Variants in CAPS2 observed in about 807,000 individuals in gnomAD.
CAPS2 encodes calcyphosin-2.
A neutral mutation model predicts 86.5 loss-of-function variants in CAPS2; 98 were observed. The observed-to-expected ratio is 1.13, with a 90% CI of 0.96 to 1.34. The LOEUF is 1.34. Ranked by LOEUF, CAPS2 falls within the 40% of genes most tolerant of loss-of-function variation. The pLI, the probability that CAPS2 is intolerant of heterozygous loss-of-function variation, is 0.00. For synonymous variants in CAPS2, 210 were observed against 225.1 expected (o/e 0.93, Z 0.60); for missense variants, 729 against 686.8 (o/e 1.06, Z -0.69).
intron 1 of CAPS2, chr12:75,363,116 A>T: frequency 6.4e-7 from 1 of 1,555,808 alleles, no homozygotes; most frequent in Non-Finnish European, 8.6e-7. Flanking sequence ...AATTTTGCAA[A>T]TATGCCTCCT....
intron 1 of CAPS2, chr12:75,369,670 A>G: frequency 1.0e-6 from 1 of 984,914 alleles, no homozygotes; most frequent in South Asian, 4.7e-5. Flanking sequence ...TGGGAATGAA[A>G]GAGTGGGAAA....
At chr12:75,289,916 A>C in intron 13 of CAPS2, 141 bp from the exon 14 acceptor site, 1 of 645,586 alleles carries the variant, frequency 1.5e-6, no homozygotes, top group Non-Finnish European at 2.6e-6. Context: ...ATGTAAGACA[A>C]AAGACTTTGG....
intron 6 of CAPS2, 157 bp downstream of exon 6, chr12:75,316,151 TTCAA>T (rs2039734481): frequency 2.2e-6 from 2 of 929,470 alleles, no homozygotes; most frequent in Admixed American, 2.9e-5. Flanking sequence ...CCAAATACAA[TTCAA>T]TCATTTATAA....
chr12:75,311,699 G>GAAAAAAA lies in CAPS2; in HGVS notation c.659+1148_659+1149insTTTTTTT, dbSNP rs764314438. The stretch of plus-strand genomic sequence containing the variant: ...CGTGTCACGTGCAGGAAGCCATGCA[G>GAAAAAAA]GAAAAAAAAAAACAAAAAAAAAAAC... On this transcript the variant is annotated intron_variant, in intron 7 of 16. Transcript: ENST00000393284. Among the ~76,000 whole-genome samples the GAAAAAAA allele has an allele frequency of 8.8e-4, 15 of 17,016 alleles. 2 individuals carry two copies. Among genetic ancestry groups the GAAAAAAA allele is most frequent in the African/African-American group, 1.7e-3 (14 of 8,092 alleles). 11.2% of individuals were successfully genotyped at this position (17,016 alleles called of 152,430 possible). A position where few individuals can be genotyped will look rare whatever the true frequency, so the allele number is the denominator to read the frequency against.
chr12:75,390,365 G>A (rs978641763), intron 1 of CAPS2: 12 of 456,212 alleles, frequency 2.6e-5, no homozygotes, highest in Middle Eastern at 6.5e-4. Context: ...TTGATATTCC[G>A]GGCTGTCTGA....
Position 75,369,790 on chromosome 12 carries a change from G to A in CAPS2, c.-395+21048C>T, listed in dbSNP as rs112255840. On this transcript the variant is annotated intron_variant, in intron 1 of 5. Transcript: ENST00000551829. Reference sequence around the variant, plus strand: ...CATAACACTGTTGGTAGGAAGCATCGTAAAGAGTTTTAAGTACTGTAGGAT... The same window carrying A: ...CATAACACTGTTGGTAGGAAGCATCATAAAGAGTTTTAAGTACTGTAGGAT... 6.0e-5 allele frequency: 59 copies of A among 982,974 alleles called. No individual in the cohort carries two copies. The African/African-American group carries it at 9.1e-4, about 15-fold the overall frequency. The allele number at this position is 982,974 out of a possible 1,614,324, so 60.9% of individuals were successfully genotyped here. A position where few individuals can be genotyped will look rare whatever the true frequency, so the allele number is the denominator to read the frequency against.
At chr12:75,381,021 C>CA (rs1314629516) in intron 1 of CAPS2, among the ~76,000 whole-genome samples, 3 of 152,106 alleles carry the variant, frequency 2.0e-5, no homozygotes, top group Admixed American at 2.0e-4. Context: ...TTTTATGGCT[C>CA]AGTCTTTTAG....
At chr12:75,329,547 T>C (rs947296312), upstream of CAPS2, among the ~76,000 whole-genome samples, 1 of 151,998 alleles carries the variant, frequency 6.6e-6, no homozygotes, top group African/African-American at 2.4e-5. Context: ...GTAGTAATAT[T>C]ACTGGCTATT....
intron 14 of CAPS2, 84 bp from the exon 15 acceptor site, chr12:75,285,164 T>G: frequency 1.5e-6 from 2 of 1,331,720 alleles, no homozygotes; most frequent in Non-Finnish European, 2.1e-6. Flanking sequence ...TTGTTACATC[T>G]TCTGTAGTCC....
At chr12:75,290,491 T>C (rs2035646737) in intron 13 of CAPS2, among the ~76,000 whole-genome samples, 1 of 152,114 alleles carries the variant, frequency 6.6e-6, no homozygotes, top group Admixed American at 6.5e-5. Context: ...GTATTGACAA[T>C]GATATAATAA....
At chr12:75,367,073 C>T in intron 1 of CAPS2, 1 of 698,302 alleles carries the variant, frequency 1.4e-6, no homozygotes, top group Non-Finnish European at 2.6e-6. Flanking sequence ...AATGCACAGA[C>T]AAGCCAACTG....
intron 1 of CAPS2, among the ~76,000 whole-genome samples, chr12:75,378,151 C>A (rs565259592): frequency 6.6e-6 from 1 of 152,130 alleles, no homozygotes. Flanking sequence ...GCACGTGCCA[C>A]CACGCCTGGC....
intron 4 of CAPS2, among the ~76,000 whole-genome samples, chr12:75,322,686 C>T (rs1444047880): frequency 1.3e-5 from 2 of 152,136 alleles, no homozygotes. Context: ...TTCCAAGAGA[C>T]CAGTCTTACA....
chr12:75,316,794 T>C (rs920312961), intron 5 of CAPS2, among the ~76,000 whole-genome samples: 16 of 152,150 alleles, frequency 1.1e-4, no homozygotes, highest in Non-Finnish European at 1.9e-4. Context: ...CCAATTTGAA[T>C]CTTTGAAAAA....
chr12:75,364,968 A>ACATAACAGCT (rs1431660441), intron 1 of CAPS2: 1 of 152,194 alleles, frequency 6.6e-6, no homozygotes, highest in Admixed American at 6.6e-5. Context: ...AAAAGGTGCC[A>ACATAACAGCT]CATAACAGCT....
chr12:75,335,986 T>C (rs993400762), intron 1 of CAPS2, among the ~76,000 whole-genome samples: 2 of 151,976 alleles, frequency 1.3e-5, no homozygotes, highest in African/African-American at 4.8e-5. Context: ...TTTGTACTCA[T>C]TGACTATTTA....
intron 11 of CAPS2, among the ~76,000 whole-genome samples, chr12:75,295,549 G>A (rs1411254610): frequency 6.6e-6 from 1 of 152,136 alleles, no homozygotes; most frequent in East Asian, 1.9e-4. Flanking sequence ...GAGTGGTTTA[G>A]GCCCTTGTAC....
chr12:75,306,933 C>CA (rs200805847), intron 7 of CAPS2, among the ~76,000 whole-genome samples: 18 of 148,818 alleles, frequency 1.2e-4, no homozygotes, highest in Admixed American at 2.7e-4. Flanking sequence ...TGATATAATC[C>CA]AAAAAAAAAA....
In CAPS2 at chr12:75,362,873, A is replaced by C. The variant is rs1052104105; in HGVS notation, c.-395+27965T>G. Among the ~76,000 whole-genome samples, 12 of 152,318 alleles carry C rather than the reference A, an allele frequency of 7.9e-5. No homozygotes were observed. The South Asian group carries it at 1.4e-3, about 18-fold the overall frequency. ...AATTACACTGGGTTCACATCTCATT[A>C]TTCTTCTATAGAATATTCAAGAATA... On this transcript the variant is annotated intron_variant, in intron 1 of 5. Coordinates refer to the CAPS2 transcript ENST00000551829.
Sources: gnomAD v4.1 joint callset for allele counts (sites outside exome capture counted in the v4.1 genomes callset) on GRCh38, gnomAD v4.1.1 for gene constraint, MANE v1.5 for transcripts, NCBI Gene and HGNC (gene_info 2026-07-23, HGNC 2026-07-21) for gene names.